NKTR: variants seen among roughly 807,000 people sequenced by gnomAD.
NKTR encodes NK-tumor recognition protein.
NKTR carries 67 observed loss-of-function variants against 156.3 expected under a neutral mutation model. That is an observed-to-expected ratio of 0.43 (90% CI 0.35 to 0.53). The LOEUF is 0.53. NKTR is among the 20% of genes least tolerant of loss of function. The probability of loss-of-function intolerance (pLI) is 0.01; values close to 1 mark genes in which losing one functional copy is unlikely to be tolerated. For missense variants in NKTR, 1,604 were observed against 1,730.9 expected (o/e 0.93, Z 1.30); for synonymous variants, 640 against 596.6 (o/e 1.07, Z -1.06).
rs778331730 is a variant in NKTR, at chr3:42,637,569, G to A, written c.1865G>A (p.Gly622Glu). ...CCCCCCCCTTCAAGATGGAAGCCTG[G>A]ACAGAAACCTTGGAAGCCCTCTTAT... ...DSPPPSRWKP[G>E]QKPWKPSYER... The change falls in exon 13 of 17, where the codon GGA becomes GAA. Residue 622 changes from glycine (G) to glutamate (E), a missense_variant. Gly to Glu is a moderately conservative substitution (Grantham distance 98, BLOSUM62 -2). Transcript: ENST00000232978. 6.2e-7 allele frequency: 1 copy of A among 1,611,946 alleles called. No homozygotes were observed.
rs115579950 is a variant in NKTR at position 42,613,942 on chromosome 3, T to C, written c.59-3628T>C. 6.4e-3 allele frequency among the ~76,000 whole-genome samples: 974 copies of C among 152,300 alleles called. 13 individuals carry two copies. The highest frequency in any genetic ancestry group is 0.022 in the African/African-American group (927 of 41,550). Reference sequence around the variant, plus strand: ...CTAACAGTAGATTTTAGTCTTATTATAGAGCTGTGTATCTATTGGCATAAC... The same window carrying C: ...CTAACAGTAGATTTTAGTCTTATTACAGAGCTGTGTATCTATTGGCATAAC... On this transcript the variant is annotated intron_variant, in intron 2 of 16. Coordinates refer to ENST00000232978, the MANE Select transcript of NKTR (RefSeq NM_005385.4).
chr3:42,620,868 C>A (rs1707842417), intron 5 of NKTR: 1 of 966,114 alleles, frequency 1.0e-6, no homozygotes, highest in African/African-American at 1.8e-5. Flanking sequence ...TTTCACAGGG[C>A]TTTCTTCCTT....
In NKTR at chr3:42,635,238, A is replaced by G. The variant is rs774464855; in HGVS notation, c.1035A>G (p.Pro345=). The change falls in exon 12 of 17, where the codon CCA becomes CCG. Residue 345 remains proline, a synonymous_variant. Transcript: ENST00000232978. ...GRGTIRYHTP[P]RSRSCSESDD... Reference sequence around the variant, plus strand: ...TTTTAAAGCGCTATCACACACCTCCAAGATCAAGATCCTGTTCTGAGTCAG... The same window carrying G: ...TTTTAAAGCGCTATCACACACCTCCGAGATCAAGATCCTGTTCTGAGTCAG... The G allele has an allele frequency of 1.2e-6, 2 of 1,611,844 alleles. No homozygotes were observed. Among genetic ancestry groups the G allele is most frequent in the Non-Finnish European group, 1.7e-6 (2 of 1,179,392 alleles).
chr3:42,643,156 T>C (rs765389085), intron 14 of NKTR, among the ~76,000 whole-genome samples, 183 bp from the exon 15 acceptor site: 10 of 152,240 alleles, frequency 6.6e-5, no homozygotes, highest in Non-Finnish European at 1.3e-4. Flanking sequence ...TAAAACTTGA[T>C]CTTATGAAAT....
At position 42,619,688 on chromosome 3, in the gene NKTR, T is replaced by C; in HGVS notation, c.266T>C (p.Ile89Thr). 1.2e-6 allele frequency: 2 copies of C among 1,610,028 alleles called. No homozygotes were observed. The highest frequency in any genetic ancestry group is 1.7e-6 in the Non-Finnish European group (2 of 1,177,000). Reference protein sequence around the residue: ...SEGNGKGGESIYGGYFKDENF... With the variant: ...SEGNGKGGESTYGGYFKDENF... The stretch of plus-strand genomic sequence containing the variant: ...GGTAATGGAAAAGGTGGAGAATCAA[T>C]TTATGGTGGATATTTTAAAGGTAAG... The change falls in exon 5 of 17, where the codon ATT (isoleucine) becomes ACT (threonine). Residue 89 changes from isoleucine (I) to threonine (T), a missense_variant. Ile to Thr is a moderately conservative substitution (Grantham distance 89). Coordinates refer to ENST00000232978, the MANE Select transcript of NKTR (RefSeq NM_005385.4).
intron 11 of NKTR, 133 bp downstream of exon 11, chr3:42,634,833 G>C (rs1709229977): frequency 1.7e-6 from 1 of 580,538 alleles, no homozygotes; most frequent in Non-Finnish European, 3.0e-6. Flanking sequence ...CCATGGTTAT[G>C]GGAAGGTATT....
At chr3:42,616,996 C>T (rs1034800528) in intron 2 of NKTR, among the ~76,000 whole-genome samples, 5 of 152,088 alleles carry the variant, frequency 3.3e-5, no homozygotes, top group Non-Finnish European at 7.4e-5. Flanking sequence ...CCTCAGGCAA[C>T]CCTCCCTGCC....
rs542607653 is a variant in NKTR at position 42,600,972 on chromosome 3, C to T, written c.-23-12C>T. 33 of 1,515,180 alleles carry T rather than the reference C, an allele frequency of 2.2e-5. No homozygotes were observed. The highest frequency in any genetic ancestry group is 1.5e-4 in the South Asian group (12 of 80,840). The allele number at this position is 1,515,180 out of a possible 1,614,324, so 93.9% of individuals were successfully genotyped here. On this transcript the variant is annotated splice_polypyrimidine_tract_variant and intron_variant, in intron 1 of 16. Coordinates refer to ENST00000232978, the MANE Select transcript of NKTR (RefSeq NM_005385.4). Reference sequence around the variant, plus strand: ...CCCCTGCCCTGACCGCTTTTCTCCCCCTCTCTCCCAGCTCTTGCCGCCACC... The same window carrying T: ...CCCCTGCCCTGACCGCTTTTCTCCCTCTCTCTCCCAGCTCTTGCCGCCACC...
intron 2 of NKTR, among the ~76,000 whole-genome samples, chr3:42,609,467 G>C (rs1219624476): frequency 6.6e-6 from 1 of 152,206 alleles, no homozygotes; most frequent in Non-Finnish European, 1.5e-5. Flanking sequence ...TGTGTGTTTA[G>C]AGAGGGATAA....
In NKTR at chr3:42,630,681, T is replaced by A. The variant is rs339732; in HGVS notation, c.404+106T>A. On this transcript the variant is annotated intron_variant, in intron 7 of 16. Coordinates refer to ENST00000232978, the MANE Select transcript of NKTR (RefSeq NM_005385.4). ...CAAGGGAGCGCTCTTGATGTCTGGC[T>A]TAATCTCATAGCAAAAGCTATTCCT... 2,250 of 1,543,104 alleles carry A rather than the reference T, an allele frequency of 1.5e-3. 35 individuals carry two copies. The African/African-American group carries it at 0.028, about 19-fold the overall frequency.
At chr3:42,622,078 A>G (rs1707963429) in intron 6 of NKTR, among the ~76,000 whole-genome samples, 1 of 152,060 alleles carries the variant, frequency 6.6e-6, no homozygotes. Flanking sequence ...CATAATTGAA[A>G]TAACCCAATG....
At position 42,637,288 on chromosome 3, in the gene NKTR, T is replaced by C. The variant is rs760597170; in HGVS notation, c.1584T>C (p.Tyr528=). 5 of 1,614,110 alleles carry C rather than the reference T, an allele frequency of 3.1e-6. No homozygotes were observed. The highest frequency in any genetic ancestry group is 4.2e-6 in the Non-Finnish European group (5 of 1,180,034). The change falls in exon 13 of 17, where the codon TAT becomes TAC. Residue 528 remains tyrosine, a synonymous_variant. Coordinates refer to ENST00000232978, the MANE Select transcript of NKTR (RefSeq NM_005385.4). ...GATCAAAATCTCACTCACAGTCTTA[T>C]TCTAGAGGAAGCTCAAGATCAAGGA... is the stretch of plus-strand genomic sequence containing the variant. The part of the protein sequence containing the change: ...SYRSKSHSQS[Y]SRGSSRSRTA...
At position 42,647,303 on chromosome 3, in the gene NKTR, G is replaced by GTTTGTGTGTGGT. The variant is rs1710415970; in HGVS notation, c.*1331_*1332insGTGTGTGGTTTT. On this transcript the variant is annotated 3_prime_UTR_variant, in exon 17 of 17. Coordinates refer to ENST00000232978, the MANE Select transcript of NKTR (RefSeq NM_005385.4). ...GTGTGTGTGTGTGTGTGTGTGTGTG[G>GTTTGTGTGTGGT]TTTTTTTTTTTAATCTTTACTTTGA... The GTTTGTGTGTGGT allele has an allele frequency of 9.9e-6, 1 of 101,260 alleles. No homozygotes were observed. Among genetic ancestry groups the GTTTGTGTGTGGT allele is most frequent in the Non-Finnish European group, 2.0e-5 (1 of 50,758 alleles). 6.3% of individuals were successfully genotyped at this position (101,260 alleles called of 1,614,324 possible).
intron 2 of NKTR, among the ~76,000 whole-genome samples, chr3:42,604,933 A>G (rs1577413274): frequency 6.6e-6 from 1 of 151,276 alleles, no homozygotes; most frequent in African/African-American, 2.4e-5. Flanking sequence ...CAAGCAATCC[A>G]CCTGCCTCGG....
At chr3:42,643,537 C>G in intron 15 of NKTR, 142 bp downstream of exon 15, 1 of 700,770 alleles carries the variant, frequency 1.4e-6, no homozygotes, top group Admixed American at 2.5e-5. Flanking sequence ...TAAATGAGGT[C>G]TGTTCGACAA....
chr3:42,615,023 CTT>C (rs962107414), intron 2 of NKTR, among the ~76,000 whole-genome samples: 5 of 145,184 alleles, frequency 3.4e-5, no homozygotes, highest in African/African-American at 1.3e-4. Context: ...GGGCAAAAGA[CTT>C]TTTTTTTTGC....
chr3:42,615,683 C>G (rs538781404), intron 2 of NKTR, among the ~76,000 whole-genome samples: 1 of 152,210 alleles, frequency 6.6e-6, no homozygotes, highest in South Asian at 2.1e-4. Context: ...TGAAAAGTAG[C>G]CATCTTACAG....
chr3:42,643,866 G>C, intron 15 of NKTR, 36 bp from the exon 16 acceptor site: 1 of 1,471,724 alleles, frequency 6.8e-7, no homozygotes, highest in South Asian at 1.1e-5. Flanking sequence ...GTATCTGAGT[G>C]GGAAAATTTA....
chr3:42,606,932 C>T (rs1162530554), intron 2 of NKTR, among the ~76,000 whole-genome samples: 1 of 152,010 alleles, frequency 6.6e-6, no homozygotes, highest in African/African-American at 2.4e-5. Context: ...TATTCACAGG[C>T]ATGATCATAG....
Sources: allele counts gnomAD v4.1 joint callset (sites outside exome capture counted in the v4.1 genomes callset), GRCh38; gene constraint gnomAD v4.1.1; transcripts MANE v1.5; gene names NCBI Gene and HGNC (gene_info 2026-07-23, HGNC 2026-07-21).